ALCAM: variants seen among roughly 807,000 people sequenced by gnomAD.
The protein encoded by ALCAM is activated leukocyte cell adhesion molecule.
In ALCAM, 30 loss-of-function variants were observed where a neutral mutation model predicts 70.9. That is an observed-to-expected ratio of 0.42 (90% CI 0.32 to 0.57). The LOEUF is 0.57. Ranked by LOEUF, ALCAM falls within the 20% of genes least tolerant of loss-of-function variation. The probability of loss-of-function intolerance (pLI) is 0.11; values close to 1 mark genes in which losing one functional copy is unlikely to be tolerated. For missense variants in ALCAM, 591 were observed against 695.1 expected (o/e 0.85, Z 1.68); for synonymous variants, 249 against 242.5 (o/e 1.03, Z -0.25).
chr3:105,391,385 T>A (rs1935813643), intron 1 of ALCAM, among the ~76,000 whole-genome samples: 1 of 152,076 alleles, frequency 6.6e-6, no homozygotes, highest in Non-Finnish European at 1.5e-5. Context: ...ATTCATGATT[T>A]GGTTCTCTGC....
chr3:105,368,753 G>A (rs930594491), intron 1 of ALCAM, among the ~76,000 whole-genome samples: 2 of 152,062 alleles, frequency 1.3e-5, no homozygotes, highest in African/African-American at 4.8e-5. Flanking sequence ...TGCTGCTGCC[G>A]TTGCTGTGTG....
intron 14 of ALCAM, 74 bp from the exon 15 acceptor site, chr3:105,571,778 C>A: frequency 8.6e-7 from 1 of 1,161,420 alleles, no homozygotes; most frequent in South Asian, 1.7e-5. Flanking sequence ...CACATTAATT[C>A]AAATCTTAAA....
chr3:105,573,428 A>G (rs1462369883), intron 15 of ALCAM, among the ~76,000 whole-genome samples: 1 of 152,232 alleles, frequency 6.6e-6, no homozygotes, highest in Non-Finnish European at 1.5e-5. Context: ...AATGAAAAGC[A>G]TAACAAACTT....
intron 1 of ALCAM, among the ~76,000 whole-genome samples, chr3:105,430,658 C>T (rs1041616020): frequency 6.6e-6 from 1 of 151,978 alleles, no homozygotes; most frequent in African/African-American, 2.4e-5. Flanking sequence ...CGCTTCTTCC[C>T]TTTTTTCATT....
intron 1 of ALCAM, among the ~76,000 whole-genome samples, chr3:105,434,017 A>G (rs1325352746): frequency 2.6e-5 from 4 of 152,128 alleles, no homozygotes; most frequent in African/African-American, 9.7e-5. Context: ...TTGTCCCACT[A>G]AGGGGGATAT....
At chr3:105,402,937 G>GCTT (rs139727226) in intron 1 of ALCAM, among the ~76,000 whole-genome samples, 7 of 48,332 alleles carry the variant, frequency 1.4e-4, no homozygotes, top group Admixed American at 3.5e-4. Flanking sequence ...CAGCTGATGC[G>GCTT]CTTTTTTTTT....
At position 105,517,021 on chromosome 3, in the gene ALCAM, A is replaced by C. The variant is rs891873534; in HGVS notation, c.74-3046A>C. On this transcript the variant is annotated intron_variant, in intron 1 of 15. Coordinates refer to ENST00000306107, the MANE Select transcript of ALCAM (RefSeq NM_001627.4). ...GCTGTTTCTTCTATGAAAAATGTAA[A>C]CAGAATCATTCGAGTTGACAGGTAC... 7.9e-5 allele frequency among the ~76,000 whole-genome samples: 12 copies of C among 152,100 alleles called. 1 individual carries two copies.
At chr3:105,524,771 G>C in intron 3 of ALCAM, 2 of 1,197,728 alleles carry the variant, frequency 1.7e-6, no homozygotes, top group Non-Finnish European at 2.1e-6. Flanking sequence ...GAGCTATGAA[G>C]TACTACTACT....
At chr3:105,411,709 T>C (rs912455772) in intron 1 of ALCAM, among the ~76,000 whole-genome samples, 14 of 152,028 alleles carry the variant, frequency 9.2e-5, no homozygotes, top group Non-Finnish European at 2.9e-5. Flanking sequence ...AGATGCTGTG[T>C]AGTCATTTGA....
chr3:105,441,957 C>T (rs1273867686), intron 1 of ALCAM, among the ~76,000 whole-genome samples: 1 of 152,080 alleles, frequency 6.6e-6, no homozygotes, highest in African/African-American at 2.4e-5. Flanking sequence ...TGCAGCTATC[C>T]CTTTCAAATA....
Position 105,547,142 on chromosome 3 carries a change from T to C in ALCAM, c.1105-7T>C, listed in dbSNP as rs1940269170. 3.9e-6 allele frequency: 6 copies of C among 1,537,744 alleles called. No homozygotes were observed. Among genetic ancestry groups the C allele is most frequent in the Non-Finnish European group, 5.2e-6 (6 of 1,144,772 alleles). ...CACATGAGGTAATTTACTTTTTATT[T>C]AATCAGGATAACATCAGGCTTCGAT... On this transcript the variant is annotated splice_region_variant and splice_polypyrimidine_tract_variant and intron_variant, in intron 9 of 15. Transcript: ENST00000306107.
At chr3:105,570,935 G>A (rs1000977087) in intron 14 of ALCAM, among the ~76,000 whole-genome samples, 4 of 152,070 alleles carry the variant, frequency 2.6e-5, no homozygotes, top group Admixed American at 6.6e-5. Context: ...GATGCTGGGA[G>A]GAAAGGAAGG....
intron 1 of ALCAM, among the ~76,000 whole-genome samples, chr3:105,453,924 A>G (rs1369617853): frequency 6.6e-6 from 1 of 152,136 alleles, no homozygotes; most frequent in Non-Finnish European, 1.5e-5. Context: ...GTGATTTTGT[A>G]TCTTGAGAGA....
At chr3:105,525,411 T>C (rs1939676051) in intron 3 of ALCAM, 1 of 951,264 alleles carries the variant, frequency 1.1e-6, no homozygotes, top group Middle Eastern at 5.3e-4. Flanking sequence ...CTCTATTACT[T>C]CACAATATTT....
chr3:105,531,782 C>G (rs1939844863), intron 3 of ALCAM, among the ~76,000 whole-genome samples: 1 of 151,998 alleles, frequency 6.6e-6, no homozygotes. Flanking sequence ...ATATTTTATT[C>G]AAAGGAATTA....
At chr3:105,452,058 C>T (rs1045150267) in intron 1 of ALCAM, among the ~76,000 whole-genome samples, 2 of 152,012 alleles carry the variant, frequency 1.3e-5, no homozygotes, top group African/African-American at 4.8e-5. Flanking sequence ...CAAGATTTCT[C>T]CCTTCCAGTA....
chr3:105,374,117 G>T (rs1935314052), intron 1 of ALCAM, among the ~76,000 whole-genome samples: 1 of 152,186 alleles, frequency 6.6e-6, no homozygotes, highest in Non-Finnish European at 1.5e-5. Context: ...GGCCAAATGT[G>T]GTTATTGAAG....
intron 1 of ALCAM, among the ~76,000 whole-genome samples, chr3:105,481,696 C>T (rs13095691): frequency 0.27 from 40,540 of 152,048 alleles, 5,847 homozygotes; most frequent in Admixed American, 0.45. Flanking sequence ...AATTTCTCCA[C>T]ATATTACATT....
At chr3:105,437,929 C>T (rs964821172) in intron 1 of ALCAM, among the ~76,000 whole-genome samples, 2 of 151,662 alleles carry the variant, frequency 1.3e-5, no homozygotes, top group Non-Finnish European at 2.9e-5. Flanking sequence ...AAATTTAGGC[C>T]ACATTTATAT....
Sources: allele counts gnomAD v4.1 joint callset (sites outside exome capture counted in the v4.1 genomes callset), GRCh38; gene constraint gnomAD v4.1.1; transcripts MANE v1.5; gene names NCBI Gene and HGNC (gene_info 2026-07-23, HGNC 2026-07-21).